The following CSMD1 variants were observed in gnomAD, a reference collection of about 807,000 sequenced individuals.
The protein encoded by CSMD1 is CUB and sushi domain-containing protein 1.
CSMD1 carries 213 observed loss-of-function variants against 417.5 expected under a neutral mutation model. That is an observed-to-expected ratio of 0.51 (90% CI 0.46 to 0.57). The LOEUF is 0.57. Among genes scored for constraint, CSMD1 ranks in the 20% least tolerant of loss-of-function variants. The pLI, the probability that CSMD1 is intolerant of heterozygous loss-of-function variation, is 0.00. For synonymous variants in CSMD1, 2,862 were observed against 1,736.8 expected (o/e 1.65, Z -16.11); for missense variants, 6,923 against 4,529.7 (o/e 1.53, Z -15.17).
At chr8:3,805,744 G>C (rs1285800976) in intron 5 of CSMD1, among the ~76,000 whole-genome samples, 2 of 151,940 alleles carry the variant, frequency 1.3e-5, no homozygotes, top group African/African-American at 2.4e-5. Context: ...TTACTTGTTT[G>C]TGATACTCTT....
intron 3 of CSMD1, among the ~76,000 whole-genome samples, chr8:4,288,085 A>T (rs1313340841): frequency 6.6e-6 from 1 of 152,172 alleles, no homozygotes; most frequent in Non-Finnish European, 1.5e-5. Flanking sequence ...ACTTTTACTG[A>T]GCCTTAGTTT....
At chr8:4,983,522 T>A (rs1811008690) in intron 1 of CSMD1, among the ~76,000 whole-genome samples, 1 of 152,174 alleles carries the variant, frequency 6.6e-6, no homozygotes, top group South Asian at 2.1e-4. Flanking sequence ...CAAGCAAGAA[T>A]AACACTTTTT....
Position 4,094,470 on chromosome 8 carries a change from T to C in CSMD1, c.416-62371A>G, listed in dbSNP as rs77704599. The stretch of plus-strand genomic sequence containing the variant: ...GTGAGGTAGAGGGAGGAATCGAAGA[T>C]GATGCCTGGATTAACGCTGGAGCAA... On this transcript the variant is annotated intron_variant, in intron 3 of 69. Transcript: ENST00000635120. 5.4e-3 allele frequency among the ~76,000 whole-genome samples: 820 copies of C among 152,238 alleles called. 6 individuals carry two copies. The highest frequency in any genetic ancestry group is 0.019 in the African/African-American group (780 of 41,542).
chr8:3,515,410 G>A, intron 10 of CSMD1: 1 of 152,208 alleles, frequency 6.6e-6, no homozygotes, highest in Non-Finnish European at 1.5e-5. Flanking sequence ...TGTTGGTGAA[G>A]TTTAGACACT....
chr8:3,052,743 T>G (rs1055323096), intron 49 of CSMD1, 96 bp from the exon 50 acceptor site: 30 of 832,886 alleles, frequency 3.6e-5, no homozygotes, highest in Non-Finnish European at 5.0e-5. Flanking sequence ...ATTGACTCCA[T>G]TTTTCATTAA....
At chr8:4,602,430 G>C (rs1199063783) in intron 2 of CSMD1, among the ~76,000 whole-genome samples, 1 of 152,118 alleles carries the variant, frequency 6.6e-6, no homozygotes, top group Non-Finnish European at 1.5e-5. Flanking sequence ...ACATGTTGTT[G>C]AAATATTTAT....
chr8:3,417,864 G>A (rs547763213), intron 12 of CSMD1, among the ~76,000 whole-genome samples: 4 of 152,250 alleles, frequency 2.6e-5, no homozygotes, highest in East Asian at 1.9e-4. Context: ...ATGTCCACGC[G>A]GTATGGACGT....
intron 10 of CSMD1, among the ~76,000 whole-genome samples, chr8:3,537,844 T>C (rs917310298): frequency 6.6e-6 from 1 of 152,216 alleles, no homozygotes; most frequent in Non-Finnish European, 1.5e-5. Flanking sequence ...ACACAATAAA[T>C]ACTTCTAAAT....
At chr8:3,461,835 G>A (rs1816525970) in intron 12 of CSMD1, among the ~76,000 whole-genome samples, 1 of 152,210 alleles carries the variant, frequency 6.6e-6, no homozygotes, top group Non-Finnish European at 1.5e-5. Context: ...CCACACCTGA[G>A]CAGTGCACTG....
At chr8:4,706,503 A>G (rs1035642650) in intron 1 of CSMD1, among the ~76,000 whole-genome samples, 3 of 152,236 alleles carry the variant, frequency 2.0e-5, no homozygotes, top group African/African-American at 7.2e-5. Flanking sequence ...AGCATTAAAT[A>G]CTTTTATTCA....
chr8:3,289,361 C>G lies in CSMD1; in HGVS notation c.3951-5015G>C, dbSNP rs900525395. On this transcript the variant is annotated intron_variant, in intron 25 of 69. Coordinates refer to ENST00000635120, the MANE Select transcript of CSMD1 (RefSeq NM_033225.6). Reference sequence around the variant, plus strand: ...ATACCCAGTAATGGGATGGCTGGGTCAAATGGTATTTCTAGTTCTAGATCC... The same window carrying G: ...ATACCCAGTAATGGGATGGCTGGGTGAAATGGTATTTCTAGTTCTAGATCC... 3.7e-4 allele frequency among the ~76,000 whole-genome samples: 55 copies of G among 147,306 alleles called. 2 individuals carry two copies. The highest frequency in any genetic ancestry group is 4.4e-5 in the Non-Finnish European group (3 of 68,008).
chr8:3,029,209 A>G (rs1045233958), intron 51 of CSMD1, 110 bp downstream of exon 51: 8 of 775,464 alleles, frequency 1.0e-5, no homozygotes, highest in Non-Finnish European at 1.5e-5. Context: ...CTTTTGATCT[A>G]TAGGACTATG....
intron 3 of CSMD1, among the ~76,000 whole-genome samples, chr8:4,354,591 C>T (rs1200104914): frequency 6.6e-6 from 1 of 152,074 alleles, no homozygotes; most frequent in Non-Finnish European, 1.5e-5. Flanking sequence ...GTGACTCAAC[C>T]TTACCACCTT....
intron 2 of CSMD1, among the ~76,000 whole-genome samples, chr8:4,632,792 T>G (rs1802602458): frequency 1.3e-5 from 2 of 152,244 alleles, no homozygotes; most frequent in Non-Finnish European, 2.9e-5. Context: ...GAAGATTTCC[T>G]GAAATAAATA....
chr8:3,455,814 G>C (rs1311878442), intron 12 of CSMD1, among the ~76,000 whole-genome samples: 2 of 152,228 alleles, frequency 1.3e-5, no homozygotes, highest in African/African-American at 2.4e-5. Context: ...TGCATGCTGG[G>C]AGAACCACTA....
At chr8:3,057,225 G>A (rs1327067622) in intron 49 of CSMD1, among the ~76,000 whole-genome samples, 1 of 152,040 alleles carries the variant, frequency 6.6e-6, no homozygotes, top group Admixed American at 6.6e-5. Context: ...AGTAATAATT[G>A]AATTTCATAA....
At chr8:4,964,169 G>C (rs752205356) in intron 1 of CSMD1, among the ~76,000 whole-genome samples, 1 of 151,946 alleles carries the variant, frequency 6.6e-6, no homozygotes, top group African/African-American at 2.4e-5. Flanking sequence ...CCAAGGAGGA[G>C]ATAAGAGAAA....
intron 3 of CSMD1, among the ~76,000 whole-genome samples, chr8:4,148,790 G>A (rs1243283955): frequency 1.3e-5 from 2 of 152,098 alleles, no homozygotes; most frequent in African/African-American, 4.8e-5. Flanking sequence ...AATTTCAACA[G>A]GTGCATTGGG....
At position 4,229,024 on chromosome 8, in the gene CSMD1, A is replaced by T. The variant is rs147738849; in HGVS notation, c.415+190929T>A. ...TTTTCCATGAAATTGAGACACATAT[A>T]TCCGACTGTCTTCTCAACCACCTGG... is the stretch of plus-strand genomic sequence containing the variant. On this transcript the variant is annotated intron_variant, in intron 3 of 69. Coordinates refer to ENST00000635120, the MANE Select transcript of CSMD1 (RefSeq NM_033225.6). 8.1e-4 allele frequency among the ~76,000 whole-genome samples: 123 copies of T among 152,258 alleles called. 1 individual carries two copies. Among genetic ancestry groups the T allele is most frequent in the African/African-American group, 2.7e-3 (114 of 41,546 alleles).
Sources: gnomAD v4.1 joint callset for allele counts (sites outside exome capture counted in the v4.1 genomes callset) on GRCh38, gnomAD v4.1.1 for gene constraint, MANE v1.5 for transcripts, NCBI Gene and HGNC (gene_info 2026-07-23, HGNC 2026-07-21) for gene names.